Variants in ZNF540 observed in about 807,000 individuals in gnomAD.
The protein encoded by ZNF540 is CTD-3064H18.6.
Under a neutral mutation model 11.8 loss-of-function variants are expected in ZNF540, and 3 were observed. The observed-to-expected ratio is 0.25, with a 90% CI of 0.12 to 0.65. ZNF540 has a LOEUF of 0.65. ZNF540 is among the 30% of genes least tolerant of loss of function. The pLI is 0.83. For synonymous variants in ZNF540, 247 were observed against 259.0 expected, an observed-to-expected ratio of 0.95 and a Z score of 0.45; for missense variants, 709 against 793.1, an observed-to-expected ratio of 0.89 and a Z score of 1.27.
Position 37,602,860 on chromosome 19 carries a change from A to G in ZNF540, c.232+1755A>G, listed in dbSNP as rs2044050542. Among the ~76,000 whole-genome samples, 3 of 152,160 alleles carry G rather than the reference A, an allele frequency of 2.0e-5. No individual in the cohort carries two copies. In the South Asian group the frequency reaches 6.2e-4, roughly 31 times the overall value. On this transcript the variant is annotated intron_variant, in intron 4 of 4. Coordinates refer to ENST00000316433, the MANE Select transcript of ZNF540 (RefSeq NM_001172225.3). ...AGGTTTCAGTGGAGTCAGAGGTGAA[A>G]AAAGCCTGCTAGATGTGGCTGAAAT...
At chr19:37,559,615 TATTGTG>T (rs2042696250) in intron 1 of ZNF540, among the ~76,000 whole-genome samples, 1 of 152,176 alleles carries the variant, frequency 6.6e-6, no homozygotes, top group African/African-American at 2.4e-5. Flanking sequence ...AACCAACTAT[TATTGTG>T]AAAGGTTGAC....
chr19:37,586,354 C>T, intron 1 of ZNF540: 1 of 309,650 alleles, frequency 3.2e-6, no homozygotes, highest in Non-Finnish European at 5.9e-6. Context: ...TCATCTCTAC[C>T]TCACCAAACC....
intron 1 of ZNF540, among the ~76,000 whole-genome samples, chr19:37,570,212 T>C (rs889593817): frequency 1.3e-5 from 2 of 152,232 alleles, no homozygotes; most frequent in African/African-American, 4.8e-5. Context: ...TCCTTGGTCA[T>C]CACTAGGACT....
chr19:37,594,637 A>G (rs1438869314), upstream of ZNF540: 1 of 152,258 alleles, frequency 6.6e-6, no homozygotes, highest in Non-Finnish European at 1.5e-5. Flanking sequence ...GTCAGCACCG[A>G]GCCCCAGCCA....
intron 1 of ZNF540, chr19:37,566,069 T>C (rs769913869): frequency 1.9e-6 from 3 of 1,614,102 alleles, no homozygotes; most frequent in African/African-American, 2.7e-5. Flanking sequence ...TGAATGACTT[T>C]CAGTGGCCTT....
At chr19:37,563,410 T>C (rs1219908425) in intron 1 of ZNF540, 2 of 151,968 alleles carry the variant, frequency 1.3e-5, no homozygotes, top group Non-Finnish European at 2.9e-5. Flanking sequence ...AAATTTACCA[T>C]TCAGTATATC....
chr19:37,611,977 C>T lies in ZNF540; in HGVS notation c.697C>T (p.His233Tyr), dbSNP rs779343108. The T allele has an allele frequency of 1.9e-6, 3 of 1,613,530 alleles. No individual in the cohort carries two copies. Among genetic ancestry groups the T allele is most frequent in the South Asian group, 2.2e-5 (2 of 91,068 alleles). ...TAGTCATAGCTATCAACTTACTCTG[C>T]ATCAGAGATTTCATACTGGTGAGAA... ...VFSHSYQLTLHQRFHTGEKPY... is the reference protein window; with the variant it reads ...VFSHSYQLTLYQRFHTGEKPY... Residue 233 changes from histidine (H) to tyrosine (Y), a missense_variant, in exon 5 of 5, where the codon CAT becomes TAT. By Grantham distance (83) the His-to-Tyr change is moderately conservative. Coordinates refer to ENST00000316433, the MANE Select transcript of ZNF540 (RefSeq NM_001172225.3).
intron 4 of ZNF540, chr19:37,611,257 C>T (rs761278235): frequency 7.2e-5 from 17 of 236,480 alleles, no homozygotes; most frequent in Non-Finnish European, 1.2e-4. Context: ...GAACTCCTGA[C>T]CTCAGATGAT....
At chr19:37,583,823 A>G in intron 1 of ZNF540, 1 of 724,014 alleles carries the variant, frequency 1.4e-6, no homozygotes, top group Non-Finnish European at 2.3e-6. Flanking sequence ...CTAAAGGATA[A>G]GAGATAAAAA....
At position 37,612,348 on chromosome 19, in the gene ZNF540, A is replaced by T; in HGVS notation, c.1068A>T (p.Glu356Asp). The T allele has an allele frequency of 6.2e-7, 1 of 1,614,132 alleles. No individual in the cohort carries two copies. Among genetic ancestry groups the T allele is most frequent in the Non-Finnish European group, 8.5e-7 (1 of 1,180,014 alleles). ...TTCATACTGGTGTAAAACCCTACGA[A>T]TGTAAGGAATGTGGAAAGACCTTTA... ...QKIHTGVKPYECKECGKTFRL... is the reference protein window; with the variant it reads ...QKIHTGVKPYDCKECGKTFRL... The change falls in exon 5 of 5, where the codon GAA becomes GAT. Residue 356 changes from glutamate to aspartate, a missense_variant. Coordinates refer to ENST00000316433, the MANE Select transcript of ZNF540 (RefSeq NM_001172225.3).
chr19:37,556,044 C>A (rs112514764), intron 1 of ZNF540: 144,766 of 702,406 alleles, frequency 0.21, 15,696 homozygotes, highest in Middle Eastern at 0.31. Flanking sequence ...TTTTTCTGCA[C>A]CTTTGGAGCT....
chr19:37,591,309 A>G (rs554225518), upstream of ZNF540, among the ~76,000 whole-genome samples: 152 of 152,308 alleles, frequency 1.0e-3, 1 homozygote, highest in Middle Eastern at 3.4e-3. Flanking sequence ...TAAGCTATCA[A>G]CTCTACTAGA....
chr19:37,574,449 A>C (rs2043176417), intron 1 of ZNF540, among the ~76,000 whole-genome samples: 1 of 152,232 alleles, frequency 6.6e-6, no homozygotes, highest in African/African-American at 2.4e-5. Flanking sequence ...CAAAAATATT[A>C]TTCCCATAAC....
chr19:37,578,362 G>A (rs1198594210), intron 1 of ZNF540, among the ~76,000 whole-genome samples: 1 of 152,128 alleles, frequency 6.6e-6, no homozygotes, highest in Non-Finnish European at 1.5e-5. Flanking sequence ...AACGGTGAGA[G>A]AGTGAGAGTC....
At chr19:37,560,494 C>T (rs2042705022) in intron 1 of ZNF540, 1 of 151,336 alleles carries the variant, frequency 6.6e-6, no homozygotes, top group African/African-American at 2.4e-5. Context: ...GCCTCAGCCT[C>T]CCGAGTAGCT....
chr19:37,581,792 A>AC (rs1440353446), intron 1 of ZNF540, among the ~76,000 whole-genome samples: 2 of 151,414 alleles, frequency 1.3e-5, no homozygotes. Flanking sequence ...CTCCTGTGAA[A>AC]AAAAAACAAA....
intron 2 of ZNF540, among the ~76,000 whole-genome samples, chr19:37,598,708 C>A (rs1031411299): frequency 1.3e-5 from 2 of 152,104 alleles, no homozygotes; most frequent in Non-Finnish European, 2.9e-5. Context: ...GGTACTTTAC[C>A]ATCCTTTGTC....
chr19:37,564,547 G>T (rs781452245), intron 1 of ZNF540: 5 of 1,433,556 alleles, frequency 3.5e-6, no homozygotes, highest in Non-Finnish European at 4.6e-6. Context: ...ATTCATTATA[G>T]ATATGAAATA....
chr19:37,580,754 C>T (rs1751477807), intron 1 of ZNF540, among the ~76,000 whole-genome samples: 1 of 152,180 alleles, frequency 6.6e-6, no homozygotes, highest in Non-Finnish European at 1.5e-5. Context: ...CACACTGGCT[C>T]CCCTTCACCT....
Sources: gnomAD v4.1 joint callset for allele counts (sites outside exome capture counted in the v4.1 genomes callset) on GRCh38, gnomAD v4.1.1 for gene constraint, MANE v1.5 for transcripts, NCBI Gene and HGNC (gene_info 2026-07-23, HGNC 2026-07-21) for gene names.